Variants in SURF4 observed in about 807,000 individuals in gnomAD.
The protein encoded by SURF4 is surfeit 4.
In SURF4, 3 loss-of-function variants were observed where a neutral mutation model predicts 30.0. That is an observed-to-expected ratio of 0.10 (90% CI 0.05 to 0.26). The LOEUF (loss-of-function observed/expected upper bound fraction) is 0.26, where lower values mean the gene tolerates loss of function less well. Among genes scored for constraint, SURF4 ranks in the 10% least tolerant of loss-of-function variants. The pLI, the probability that SURF4 is intolerant of heterozygous loss-of-function variation, is 1.00. For synonymous variants in SURF4, 143 were observed against 139.9 expected, an observed-to-expected ratio of 1.02 and a Z score of -0.16; for missense variants, 217 against 350.8, an observed-to-expected ratio of 0.62 and a Z score of 3.05.
At chr9:133,370,789 C>CT in intron 1 of SURF4, 1 of 1,061,586 alleles carries the variant, frequency 9.4e-7, no homozygotes, top group Non-Finnish European at 1.3e-6. Context: ...GACAGTCCCC[C>CT]TCCCCCCCAT....
intron 1 of SURF4, among the ~76,000 whole-genome samples, chr9:133,375,059 C>A (rs1293017255): frequency 6.6e-6 from 1 of 152,190 alleles, no homozygotes; most frequent in Non-Finnish European, 1.5e-5. Flanking sequence ...CATAAATCTG[C>A]GTAACCACCA....
chr9:133,361,853 A>T lies in SURF4; in HGVS notation c.*1640T>A, dbSNP rs2130066718. On this transcript the variant is annotated 3_prime_UTR_variant, in exon 6 of 6. Coordinates refer to ENST00000371989, the MANE Select transcript of SURF4 (RefSeq NM_033161.4). ...CCAAGGTCATTTGATGGGGGCTGTC[A>T]TACGGCACTAACAGGGAGCGAGGTG... is the stretch of plus-strand genomic sequence containing the variant. The T allele has an allele frequency of 6.6e-6, 1 of 152,302 alleles. No homozygotes were observed. Among genetic ancestry groups the T allele is most frequent in the Non-Finnish European group, 1.5e-5 (1 of 68,154 alleles). The allele number at this position is 152,302 out of a possible 1,614,324, so 9.4% of individuals were successfully genotyped here. A position where few individuals can be genotyped will look rare whatever the true frequency, so the allele number is the denominator to read the frequency against.
Position 133,361,632 on chromosome 9 carries a change from T to C in SURF4, c.*1861A>G, listed in dbSNP as rs1273075485. 1.3e-5 allele frequency: 2 copies of C among 156,116 alleles called. No individual in the cohort carries two copies. The highest frequency in any genetic ancestry group is 4.8e-5 in the African/African-American group (2 of 41,458). The allele number at this position is 156,116 out of a possible 1,614,324, so 9.7% of individuals were successfully genotyped here. A position where few individuals can be genotyped will look rare whatever the true frequency, so the allele number is the denominator to read the frequency against. On this transcript the variant is annotated 3_prime_UTR_variant, in exon 6 of 6. Coordinates refer to ENST00000371989, the MANE Select transcript of SURF4 (RefSeq NM_033161.4). ...AGAATCAATTGGTAGATCCCACTTA[T>C]CCTCCCCTCCCTGCAAAGGCATCTT... is the stretch of plus-strand genomic sequence containing the variant.
chr9:133,376,073 G>C (rs2130244966), upstream of SURF4: 10 of 1,206,472 alleles, frequency 8.3e-6, no homozygotes, highest in Non-Finnish European at 2.1e-6. Flanking sequence ...CCGGCGGCCG[G>C]CCTCGCTCCG....
rs2130112969 is a variant in SURF4, at chr9:133,365,041, T to C, written c.357-15A>G. 1.1e-5 allele frequency: 17 copies of C among 1,519,894 alleles called. No homozygotes were observed. Among genetic ancestry groups the C allele is most frequent in the Middle Eastern group, 1.7e-4 (1 of 5,732 alleles). 94.2% of individuals were successfully genotyped at this position (1,519,894 alleles called of 1,614,324 possible). A position where few individuals can be genotyped will look rare whatever the true frequency, so the allele number is the denominator to read the frequency against. On this transcript the variant is annotated splice_polypyrimidine_tract_variant and intron_variant, in intron 4 of 5. Transcript: ENST00000371989. ...GGGCCAGGTTCCTGAGGAACAGATA[T>C]GTGGGCTGGAAGCTAAGCCTCACCA...
upstream of SURF4, chr9:133,376,068 G>T (rs2130244842): frequency 4.8e-5 from 58 of 1,206,678 alleles, no homozygotes; most frequent in African/African-American, 8.2e-4. Context: ...AGTGCCCGGC[G>T]GCCGGCCTCG....
intron 4 of SURF4, among the ~76,000 whole-genome samples, chr9:133,365,307 G>A (rs1325499270): frequency 6.6e-6 from 1 of 152,202 alleles, no homozygotes; most frequent in African/African-American, 2.4e-5. Context: ...CCTAGTCACA[G>A]CTTCAGTGTT....
chr9:133,371,656 C>G (rs2130191280), intron 1 of SURF4, among the ~76,000 whole-genome samples: 3 of 152,188 alleles, frequency 2.0e-5, no homozygotes, highest in Non-Finnish European at 4.4e-5. Flanking sequence ...TGAGTCAGCT[C>G]CTCTTTGCCT....
chr9:133,375,352 C>T lies in SURF4; in HGVS notation c.48+570G>A, dbSNP rs183095751. On this transcript the variant is annotated intron_variant, in intron 1 of 5. Transcript: ENST00000371989. ...CAGAGTCCAAACGGGGAGGGAGACGCAGACAGGGTCAAAGGGACCCCAAGA... is the reference window on the plus strand; with the variant it reads ...CAGAGTCCAAACGGGGAGGGAGACGTAGACAGGGTCAAAGGGACCCCAAGA... The T allele has an allele frequency of 2.7e-3, 2,675 of 983,362 alleles. 78 individuals carry two copies. The African/African-American group carries it at 0.043, about 16-fold the overall frequency. 60.9% of individuals were successfully genotyped at this position (983,362 alleles called of 1,614,324 possible).
chr9:133,372,668 A>T, intron 1 of SURF4: 1 of 984,208 alleles, frequency 1.0e-6, no homozygotes, highest in Non-Finnish European at 1.2e-6. Flanking sequence ...AGATGTGAAA[A>T]AATGGATGTG....
rs929020171 is a variant in SURF4, at chr9:133,361,615, T to C, written c.*1878A>G. ...TTAGAAATTGTTTTGCCAGAATCAA[T>C]TGGTAGATCCCACTTATCCTCCCCT... On this transcript the variant is annotated 3_prime_UTR_variant, in exon 6 of 6. Transcript: ENST00000371989. 2 of 156,542 alleles carry C rather than the reference T, an allele frequency of 1.3e-5. No homozygotes were observed. Among genetic ancestry groups the C allele is most frequent in the African/African-American group, 4.8e-5 (2 of 41,466 alleles). 9.7% of individuals were successfully genotyped at this position (156,542 alleles called of 1,614,324 possible).
At chr9:133,372,957 C>T (rs1268678550) in intron 1 of SURF4, among the ~76,000 whole-genome samples, 1 of 152,248 alleles carries the variant, frequency 6.6e-6, no homozygotes, top group East Asian at 1.9e-4. Context: ...CAGCCATGCT[C>T]TGCCACCACC....
rs2130090953 is a variant in SURF4 at position 133,363,698 on chromosome 9, T to C, written c.605A>G (p.Lys202Arg). ...MILVAIGFKT[K>R]LAALTLVVWL... is the part of the protein sequence containing the mutation. ...CACAACAAGAGTCAAAGCAGCCAGC[T>C]TGGTTTTAAAACCAATGGCCACTAA... Residue 202 changes from lysine to arginine, a missense_variant, in exon 6 of 6, where the codon AAG (lysine) becomes AGG (arginine). Transcript: ENST00000371989. This position sits in a 1 kb window ranked among gnomAD's most constrained non-coding sequence, Gnocchi z 4.3. 6.2e-7 allele frequency: 1 copy of C among 1,614,250 alleles called. No homozygotes were observed. The highest frequency in any genetic ancestry group is 1.1e-5 in the South Asian group (1 of 91,084).
intron 1 of SURF4, among the ~76,000 whole-genome samples, chr9:133,374,980 C>T (rs1352682105): frequency 6.6e-6 from 1 of 152,210 alleles, no homozygotes. Context: ...GTGGGCCACA[C>T]AAGGCTCTCC....
rs2130242836 is a variant in SURF4 at position 133,375,895 on chromosome 9, G to A, written c.48+27C>T. On this transcript the variant is annotated intron_variant, in intron 1 of 5. Transcript: ENST00000371989. ...CCGGGCGGCCTGGGTCGGGACCGGG[G>A]CCGGGGGAGGAGCCCGCAGGCCGCA... The A allele has an allele frequency of 0.011, 13,427 of 1,222,190 alleles. 1,010 individuals are homozygous for A. In the African/African-American group the frequency reaches 0.17, roughly 16 times the overall value. The allele number at this position is 1,222,190 out of a possible 1,614,324, so 75.7% of individuals were successfully genotyped here. A position where few individuals can be genotyped will look rare whatever the true frequency, so the allele number is the denominator to read the frequency against.
rs2130076925 is a variant in SURF4, at chr9:133,362,573, G to A, written c.*920C>T. On this transcript the variant is annotated 3_prime_UTR_variant, in exon 6 of 6. Coordinates refer to ENST00000371989, the MANE Select transcript of SURF4 (RefSeq NM_033161.4). ...CTTGCTCAGAAAAGGCCCCATGTGA[G>A]GTAACTGGGTTGAGTCCGTGGGTCT... 5.9e-5 allele frequency: 9 copies of A among 152,690 alleles called. No homozygotes were observed. The highest frequency in any genetic ancestry group is 2.2e-4 in the African/African-American group (9 of 41,434). 9.5% of individuals were successfully genotyped at this position (152,690 alleles called of 1,614,324 possible). A position where few individuals can be genotyped will look rare whatever the true frequency, so the allele number is the denominator to read the frequency against.
chr9:133,364,814 C>G (rs2130109527), intron 5 of SURF4, 26 bp downstream of exon 5: 4 of 1,612,866 alleles, frequency 2.5e-6, no homozygotes, highest in African/African-American at 2.7e-5. Flanking sequence ...GAAACCAGAC[C>G]GGTTCAGGCA....
At chr9:133,376,334 G>A, upstream of SURF4, 5 of 1,371,144 alleles carry the variant, frequency 3.6e-6, no homozygotes, top group Non-Finnish European at 3.8e-6. Flanking sequence ...GGGGACCTGG[G>A]GGTCTGGGGC....
intron 1 of SURF4, among the ~76,000 whole-genome samples, chr9:133,369,860 C>T (rs1212395300): frequency 2.0e-5 from 3 of 152,214 alleles, no homozygotes; most frequent in South Asian, 4.1e-4. Context: ...AAAGCAACCA[C>T]TGGGAAGGAA....
Sources: gnomAD v4.1 joint callset for allele counts (sites outside exome capture counted in the v4.1 genomes callset) on GRCh38, gnomAD v4.1.1 for gene constraint, Gnocchi (gnomAD v3.1) non-coding constraint, MANE v1.5 for transcripts, NCBI Gene and HGNC (gene_info 2026-07-23, HGNC 2026-07-21) for gene names.